The following OR2C3 variants were observed in gnomAD, a reference collection of about 807,000 sequenced individuals.
The protein encoded by OR2C3 is olfactory receptor family 2 subfamily C member 3, also known as olfactory receptor 2C3.
For missense variants in OR2C3, 425 were observed against 401.5 expected (o/e 1.06, Z -0.50); for synonymous variants, 178 against 163.4 (o/e 1.09, Z -0.68).
chr1:247,531,161 G>T lies in OR2C3; in HGVS notation c.*388C>A, dbSNP rs1051480805. ...GGCCTGAGGGCTGGGAGGGCTCCGG[G>T]GGCTCTGGGGAACAGGCCGGCTCCG... On this transcript the variant is annotated 3_prime_UTR_variant, in exon 3 of 3. Coordinates refer to ENST00000641802, the MANE Select transcript of OR2C3 (RefSeq NM_198074.6). The T allele has an allele frequency of 9.6e-6, 2 of 207,920 alleles. No homozygotes were observed. Among genetic ancestry groups the T allele is most frequent in the African/African-American group, 4.7e-5 (2 of 42,444 alleles). The allele number at this position is 207,920 out of a possible 1,614,324, so 12.9% of individuals were successfully genotyped here.
rs1666799852 is a variant in OR2C3, at chr1:247,529,066, G to T, written c.*2483C>A. 1 of 152,178 alleles carries T rather than the reference G, an allele frequency of 6.6e-6. No individual in the cohort carries two copies. Among genetic ancestry groups the T allele is most frequent in the Non-Finnish European group, 1.5e-5 (1 of 68,038 alleles). The allele number at this position is 152,178 out of a possible 1,614,324, so 9.4% of individuals were successfully genotyped here. On this transcript the variant is annotated 3_prime_UTR_variant, in exon 3 of 3. Transcript: ENST00000641802. Reference sequence around the variant, plus strand: ...GCATTATGACATTTCTCTCACCAAGGTTAGCATGTGATTTGGCACTATTTC... The same window carrying T: ...GCATTATGACATTTCTCTCACCAAGTTTAGCATGTGATTTGGCACTATTTC...
chr1:247,531,641 A>C lies in OR2C3; in HGVS notation c.871T>G (p.Tyr291Asp). ...TTCACCTCCGTGTTCCTCAGGGTGT[A>C]AATAAGTGGGTTCAGCGCAGGAGTG... ...VVTPALNPLI[Y>D]TLRNTEVKSA... The change falls in exon 3 of 3, where the codon TAC becomes GAC. Residue 291 changes from tyrosine (Y) to aspartate (D), a missense_variant. Physicochemically the swap from Tyr to Asp is radical, Grantham distance 160 (BLOSUM62 -3). Transcript: ENST00000641802. 3.1e-6 allele frequency: 5 copies of C among 1,614,160 alleles called. No homozygotes were observed. Among genetic ancestry groups the C allele is most frequent in the Non-Finnish European group, 4.2e-6 (5 of 1,180,020 alleles).
intron 2 of OR2C3, 67 bp downstream of exon 2, chr1:247,533,440 A>G (rs1667090965): frequency 6.6e-6 from 1 of 152,118 alleles, no homozygotes; most frequent in Non-Finnish European, 1.5e-5. Context: ...AAACCTAAAA[A>G]TGTTACTCTA....
In OR2C3 at chr1:247,531,927, G is replaced by A. The variant is rs1338035684; in HGVS notation, c.585C>T (p.Leu195=). The A allele has an allele frequency of 1.2e-6, 2 of 1,614,062 alleles. No homozygotes were observed. Among genetic ancestry groups the A allele is most frequent in the Non-Finnish European group, 1.7e-6 (2 of 1,180,034 alleles). ...TGGCCAGGTACATCTCCATCTCATT[G>A]AGGCTGGTATCCACACAAGCCAGTT... ...IMQLACVDTS[L]NEMEMYLASF... Residue 195 remains leucine (L), a synonymous_variant, in exon 3 of 3, where the codon CTC becomes CTT. Coordinates refer to ENST00000641802, the MANE Select transcript of OR2C3 (RefSeq NM_198074.6).
In OR2C3 at chr1:247,528,987, G is replaced by C. The variant is rs1027285929; in HGVS notation, c.*2562C>G. 7.4e-4 allele frequency: 112 copies of C among 152,238 alleles called. No individual in the cohort carries two copies. The highest frequency in any genetic ancestry group is 2.6e-3 in the African/African-American group (107 of 41,550). 9.4% of individuals were successfully genotyped at this position (152,238 alleles called of 1,614,324 possible). A position where few individuals can be genotyped will look rare whatever the true frequency, so the allele number is the denominator to read the frequency against. On this transcript the variant is annotated 3_prime_UTR_variant, in exon 3 of 3. Transcript: ENST00000641802. The stretch of plus-strand genomic sequence containing the variant: ...TCTTTTGCCAGCAGGCTTGCTCATT[G>C]AGCCTATGAGAAATTTAACATGGAA...
At position 247,532,468 on chromosome 1, in the gene OR2C3, A is replaced by G. The variant is rs770086261; in HGVS notation, c.44T>C (p.Leu15Pro). The change falls in exon 3 of 3, where the codon CTC becomes CCC. Residue 15 changes from leucine (L) to proline (P), a missense_variant. By Grantham distance (98) the Leu-to-Pro change is moderately conservative. Coordinates refer to ENST00000641802, the MANE Select transcript of OR2C3 (RefSeq NM_198074.6). ...ANVSSPEVFV[L>P]LGFSTRPSLE... is the part of the protein sequence containing the mutation. ...TGAGGGTCGTGTGGAGAAGCCCAGG[A>G]GGACAAAGACTTCTGGAGAACTCAC... is the stretch of plus-strand genomic sequence containing the variant. 2 of 1,614,118 alleles carry G rather than the reference A, an allele frequency of 1.2e-6. No homozygotes were observed. Among genetic ancestry groups the G allele is most frequent in the Non-Finnish European group, 1.7e-6 (2 of 1,179,968 alleles).
chr1:247,535,316 AAAC>A (rs1667175813), intron 1 of OR2C3, among the ~76,000 whole-genome samples: 1 of 152,148 alleles, frequency 6.6e-6, no homozygotes, highest in Non-Finnish European at 1.5e-5. Context: ...CCCTGTCTCA[AAAC>A]AACAACAAAC....
chr1:247,531,560 C>T lies in OR2C3; in HGVS notation c.952G>A (p.Ala318Thr). ...AGGCACTGGAGTCTCTAAATTTGCG[C>T]CAGCTTGCCTGCAGAGCCACAGCAG... ...ENCCGSAGKL[A>T]QI Residue 318 changes from alanine to threonine, a missense_variant, in exon 3 of 3, where the codon GCG (alanine) becomes ACG (threonine). By Grantham distance (58) the Ala-to-Thr change is moderately conservative. Transcript: ENST00000641802. 5 of 1,613,240 alleles carry T rather than the reference C, an allele frequency of 3.1e-6. No homozygotes were observed. The highest frequency in any genetic ancestry group is 4.2e-6 in the Non-Finnish European group (5 of 1,179,420).
In OR2C3 at chr1:247,532,167, C is replaced by G; in HGVS notation, c.345G>C (p.Leu115=). 1 of 1,614,136 alleles carries G rather than the reference C, an allele frequency of 6.2e-7. No homozygotes were observed. Among genetic ancestry groups the G allele is most frequent in the Non-Finnish European group, 8.5e-7 (1 of 1,180,010 alleles). Residue 115 remains leucine, a synonymous_variant, in exon 3 of 3, where the codon CTG becomes CTC. Coordinates refer to ENST00000641802, the MANE Select transcript of OR2C3 (RefSeq NM_198074.6). ...SHWLGATECV[L]LATMSYDRYA... ...AGCGGTCATAGGACATGGTGGCCAGCAGGACACACTCGGTTGCCCCCAGCC... is the reference window on the plus strand; with the variant it reads ...AGCGGTCATAGGACATGGTGGCCAGGAGGACACACTCGGTTGCCCCCAGCC...
chr1:247,531,584 A>G lies in OR2C3; in HGVS notation c.928T>C (p.Cys310Arg), dbSNP rs148496514. 3 of 1,614,146 alleles carry G rather than the reference A, an allele frequency of 1.9e-6. No homozygotes were observed. Among genetic ancestry groups the G allele is most frequent in the Non-Finnish European group, 2.5e-6 (3 of 1,179,988 alleles). The change falls in exon 3 of 3, where the codon TGC becomes CGC. Residue 310 changes from cysteine to arginine, a missense_variant. Physicochemically the swap from Cys to Arg is radical, Grantham distance 180. Coordinates refer to ENST00000641802, the MANE Select transcript of OR2C3 (RefSeq NM_198074.6). ...SALRHMVLEN[C>R]CGSAGKLAQI is the part of the protein sequence containing the mutation. ...GCCAGCTTGCCTGCAGAGCCACAGC[A>G]GTTCTCTAATACCATGTGCCGGAGG...
rs1347432415 is a variant in OR2C3, at chr1:247,533,668, A to G, written c.-191T>C. The G allele has an allele frequency of 2.0e-5, 3 of 152,198 alleles. No homozygotes were observed. The highest frequency in any genetic ancestry group is 7.2e-5 in the African/African-American group (3 of 41,458). The allele number at this position is 152,198 out of a possible 1,614,324, so 9.4% of individuals were successfully genotyped here. A position where few individuals can be genotyped will look rare whatever the true frequency, so the allele number is the denominator to read the frequency against. ...TATTAGATCATGCCCTTCATGTTCA[A>G]TCATATTTCTACATGGCTGTCCATA... is the stretch of plus-strand genomic sequence containing the variant. On this transcript the variant is annotated 5_prime_UTR_variant, in exon 2 of 3. Coordinates refer to ENST00000641802, the MANE Select transcript of OR2C3 (RefSeq NM_198074.6).
In OR2C3 at chr1:247,531,468, C is replaced by T; in HGVS notation, c.*81G>A. ...AGCTCAAACAATATTAGAAGAAAAA[C>T]GACATCCCAAGTGCCCTGTCTTCCA... On this transcript the variant is annotated 3_prime_UTR_variant, in exon 3 of 3. Transcript: ENST00000641802. 1.4e-6 allele frequency: 2 copies of T among 1,412,980 alleles called. No individual in the cohort carries two copies. 87.5% of individuals were successfully genotyped at this position (1,412,980 alleles called of 1,614,324 possible).
At position 247,529,413 on chromosome 1, in the gene OR2C3, G is replaced by A. The variant is rs1196555176; in HGVS notation, c.*2136C>T. ...GATGGAATGGGCTTTATTGAATGAT[G>A]GAATGGCCTGCTGAAGGTTTAGTTA... On this transcript the variant is annotated 3_prime_UTR_variant, in exon 3 of 3. Coordinates refer to ENST00000641802, the MANE Select transcript of OR2C3 (RefSeq NM_198074.6). 2 of 152,188 alleles carry A rather than the reference G, an allele frequency of 1.3e-5. No individual in the cohort carries two copies. The highest frequency in any genetic ancestry group is 2.9e-5 in the Non-Finnish European group (2 of 68,050). The allele number at this position is 152,188 out of a possible 1,614,324, so 9.4% of individuals were successfully genotyped here.
rs944848320 is a variant in OR2C3 at position 247,529,369 on chromosome 1, G to T, written c.*2180C>A. ...ATACTTCATACCTCAATATTCAGAA[G>T]CAGTGGGCTTGACTGAATGATGGAA... On this transcript the variant is annotated 3_prime_UTR_variant, in exon 3 of 3. Coordinates refer to ENST00000641802, the MANE Select transcript of OR2C3 (RefSeq NM_198074.6). The T allele has an allele frequency of 2.0e-5, 3 of 152,198 alleles. No individual in the cohort carries two copies. Among genetic ancestry groups the T allele is most frequent in the Admixed American group, 1.3e-4 (2 of 15,290 alleles). 9.4% of individuals were successfully genotyped at this position (152,198 alleles called of 1,614,324 possible). A position where few individuals can be genotyped will look rare whatever the true frequency, so the allele number is the denominator to read the frequency against.
rs564265345 is a variant in OR2C3 at position 247,529,854 on chromosome 1, T to A, written c.*1695A>T. On this transcript the variant is annotated 3_prime_UTR_variant, in exon 3 of 3. Coordinates refer to ENST00000641802, the MANE Select transcript of OR2C3 (RefSeq NM_198074.6). ...AAAGCCTTAAGAGAAAAGACTGACC[T>A]GCTTCCAAAAAGAGGGAATTTTGCC... The A allele has an allele frequency of 1.3e-5, 2 of 151,788 alleles. No homozygotes were observed. The highest frequency in any genetic ancestry group is 4.2e-4 in the South Asian group (2 of 4,798). The allele number at this position is 151,788 out of a possible 1,614,324, so 9.4% of individuals were successfully genotyped here. A position where few individuals can be genotyped will look rare whatever the true frequency, so the allele number is the denominator to read the frequency against.
In OR2C3 at chr1:247,531,686, C is replaced by A; in HGVS notation, c.826G>T (p.Ala276Ser). The A allele has an allele frequency of 6.2e-7, 1 of 1,614,174 alleles. No homozygotes were observed. The highest frequency in any genetic ancestry group is 8.5e-7 in the Non-Finnish European group (1 of 1,180,032). Residue 276 changes from alanine to serine, a missense_variant, in exon 3 of 3, where the codon GCT (alanine) becomes TCT (serine). Ala to Ser is a moderately conservative substitution (Grantham distance 99). Transcript: ENST00000641802. ...STSHEQGKFI[A>S]LFYTVVTPAL... ...GGAGTGACTACGGTGTAGAACAGAG[C>A]TATGAACTTGCCCTGCTCATGGGAG...
At position 247,532,064 on chromosome 1, in the gene OR2C3, A is replaced by G. The variant is rs773281515; in HGVS notation, c.448T>C (p.Trp150Arg). The change falls in exon 3 of 3, where the codon TGG becomes CGG. Residue 150 changes from tryptophan (W) to arginine (R), a missense_variant. Coordinates refer to ENST00000641802, the MANE Select transcript of OR2C3 (RefSeq NM_198074.6). The part of the protein sequence containing the change: ...QLCLGLALAS[W>R]LGGLTTSMVG... ...ATGCTGGTGGTCAGACCCCCCAGCC[A>G]GGAGGCCAAAGCTAGCCCAAGGCAA... The G allele has an allele frequency of 6.2e-7, 1 of 1,614,132 alleles. No homozygotes were observed. Among genetic ancestry groups the G allele is most frequent in the East Asian group, 2.2e-5 (1 of 44,874 alleles).
chr1:247,536,027 A>G (rs749601752), intron 1 of OR2C3, 141 bp downstream of exon 1: 4 of 152,198 alleles, frequency 2.6e-5, no homozygotes, highest in East Asian at 1.9e-4. Flanking sequence ...CAAAGGCCAC[A>G]TGAGGAAATC....
intron 1 of OR2C3, among the ~76,000 whole-genome samples, chr1:247,534,090 A>G (rs755810292): frequency 6.6e-6 from 1 of 152,188 alleles, no homozygotes; most frequent in African/African-American, 2.4e-5. Context: ...ACTGTGTTAT[A>G]TAATATTGAA....
Sources: gnomAD v4.1 joint callset for allele counts (sites outside exome capture counted in the v4.1 genomes callset) on GRCh38, gnomAD v4.1.1 for gene constraint, MANE v1.5 for transcripts, NCBI Gene and HGNC (gene_info 2026-07-23, HGNC 2026-07-21) for gene names.